The following WIPF2 variants were observed in gnomAD, a reference collection of about 807,000 sequenced individuals.
WIPF2 encodes the protein WAS/WASL interacting protein family member 2, also known as WAS/WASL-interacting protein family member 2.
WIPF2 carries 23 observed loss-of-function variants against 38.8 expected under a neutral mutation model. The ratio of observed to expected loss-of-function variants is 0.59; its 90% confidence interval spans 0.43 to 0.84. WIPF2 has a LOEUF of 0.84. Ranked by LOEUF, WIPF2 falls within the 40% of genes least tolerant of loss-of-function variation. The pLI is 0.00. For synonymous variants in WIPF2, 210 were observed against 223.2 expected (o/e 0.94, Z 0.53); for missense variants, 574 against 580.5 (o/e 0.99, Z 0.11).
chr17:40,221,156 A>G (rs1197040487), intron 1 of WIPF2, among the ~76,000 whole-genome samples: 1 of 151,992 alleles, frequency 6.6e-6, no homozygotes, highest in Non-Finnish European at 1.5e-5. Flanking sequence ...GTCCTTTTTC[A>G]TGCTGTTATT....
Position 40,265,036 on chromosome 17 carries a change from C to T in WIPF2, c.860C>T (p.Thr287Ile), listed in dbSNP as rs1172993647. ...AGACACAATTCTTTGCATAGGAAGACACCAGGGCCTGTCAGAGGCCTAGCA... is the reference window on the plus strand; with the variant it reads ...AGACACAATTCTTTGCATAGGAAGATACCAGGGCCTGTCAGAGGCCTAGCA... ...PQRHNSLHRK[T>I]PGPVRGLAPP... The change falls in exon 5 of 8, where the codon ACA becomes ATA. Residue 287 changes from threonine to isoleucine, a missense_variant. By Grantham distance (89) the Thr-to-Ile change is moderately conservative. Transcript: ENST00000323571. 1 of 1,614,162 alleles carries T rather than the reference C, an allele frequency of 6.2e-7. No homozygotes were observed. The highest frequency in any genetic ancestry group is 8.5e-7 in the Non-Finnish European group (1 of 1,180,040).
At chr17:40,249,531 C>A (rs905318213) in intron 1 of WIPF2, among the ~76,000 whole-genome samples, 2 of 151,254 alleles carry the variant, frequency 1.3e-5, no homozygotes, top group African/African-American at 4.9e-5. Context: ...CTCACTGCAA[C>A]CTCTGTCTGC....
chr17:40,262,265 G>A (rs1469470041), intron 3 of WIPF2, among the ~76,000 whole-genome samples: 1 of 151,588 alleles, frequency 6.6e-6, no homozygotes, highest in Non-Finnish European at 1.5e-5. Context: ...GAAATTTTTT[G>A]TAGAGTCAGG....
chr17:40,247,888 T>C (rs1003748996), intron 1 of WIPF2, among the ~76,000 whole-genome samples: 9 of 152,196 alleles, frequency 5.9e-5, no homozygotes, highest in African/African-American at 2.2e-4. Flanking sequence ...TAAATACTTA[T>C]CAGAATGGGT....
intron 1 of WIPF2, among the ~76,000 whole-genome samples, chr17:40,228,278 G>C (rs746947801): frequency 9.9e-5 from 15 of 151,852 alleles, no homozygotes; most frequent in Non-Finnish European, 1.9e-4. Flanking sequence ...GCCTCCCAAA[G>C]TGCTGGGATT....
At chr17:40,260,502 T>C in intron 2 of WIPF2, 33 bp from the exon 3 acceptor site, 1 of 1,611,590 alleles carries the variant, frequency 6.2e-7, no homozygotes, top group Non-Finnish European at 8.5e-7. Flanking sequence ...AGGGAACTCT[T>C]TAGGGTGAAC....
At position 40,283,817 on chromosome 17, in the gene WIPF2, G is replaced by T. The variant is rs2032604199; in HGVS notation, c.*5592G>T. On this transcript the variant is annotated 3_prime_UTR_variant, in exon 8 of 8. Coordinates refer to ENST00000323571, the MANE Select transcript of WIPF2 (RefSeq NM_133264.5). ...TGGTTTTCTTGAACTTTGACTTTAG[G>T]TGTAAAAATTCAACCAGACATTCTC... is the stretch of plus-strand genomic sequence containing the variant. 1 of 152,064 alleles carries T rather than the reference G, an allele frequency of 6.6e-6. No individual in the cohort carries two copies. The highest frequency in any genetic ancestry group is 6.5e-5 in the Admixed American group (1 of 15,276). The allele number at this position is 152,064 out of a possible 1,614,324, so 9.4% of individuals were successfully genotyped here.
intron 1 of WIPF2, among the ~76,000 whole-genome samples, chr17:40,228,216 C>T (rs976025037): frequency 1.3e-5 from 2 of 150,776 alleles, no homozygotes; most frequent in African/African-American, 2.4e-5. Context: ...GGGGTTTCAC[C>T]GTTTTAGCCG....
intron 1 of WIPF2, among the ~76,000 whole-genome samples, chr17:40,225,431 T>C (rs2030439278): frequency 6.6e-6 from 1 of 152,122 alleles, no homozygotes; most frequent in Non-Finnish European, 1.5e-5. Context: ...TAACTCTCTT[T>C]AAGATTTTGG....
intron 2 of WIPF2, 114 bp downstream of exon 2, chr17:40,256,636 A>T: frequency 7.4e-7 from 1 of 1,354,510 alleles, no homozygotes; most frequent in Non-Finnish European, 9.8e-7. Flanking sequence ...AGATTTTCCT[A>T]CTAGTAGCAT....
At chr17:40,235,950 T>C (rs1292906077) in intron 1 of WIPF2, among the ~76,000 whole-genome samples, 1 of 151,562 alleles carries the variant, frequency 6.6e-6, no homozygotes, top group Non-Finnish European at 1.5e-5. Flanking sequence ...GCAGTTTGAC[T>C]GGATTAAAAA....
chr17:40,236,714 A>G (rs979908653), intron 1 of WIPF2, among the ~76,000 whole-genome samples: 30 of 150,442 alleles, frequency 2.0e-4, no homozygotes, highest in African/African-American at 6.9e-4. Context: ...GGTTCAAGCA[A>G]TTCCCTGCCT....
intron 3 of WIPF2, among the ~76,000 whole-genome samples, chr17:40,261,975 T>G (rs1242602730): frequency 6.6e-6 from 1 of 151,956 alleles, no homozygotes. Flanking sequence ...CCACCACGCC[T>G]GGCTTCACTC....
intron 5 of WIPF2, among the ~76,000 whole-genome samples, chr17:40,271,317 C>G (rs900977219): frequency 3.9e-5 from 6 of 152,142 alleles, no homozygotes; most frequent in African/African-American, 1.2e-4. Context: ...GTCTGTTAAG[C>G]TGAGTAGTCT....
intron 6 of WIPF2, among the ~76,000 whole-genome samples, chr17:40,274,724 T>C (rs1296491204): frequency 6.6e-6 from 1 of 151,162 alleles, no homozygotes; most frequent in East Asian, 1.9e-4. Flanking sequence ...GGAGGATTGC[T>C]TTTAGCCCAG....
chr17:40,241,868 A>G (rs1212036069), intron 1 of WIPF2, among the ~76,000 whole-genome samples: 1 of 152,164 alleles, frequency 6.6e-6, no homozygotes, highest in Non-Finnish European at 1.5e-5. Context: ...CCAGTCTGTA[A>G]AGTATCTGGA....
intron 1 of WIPF2, among the ~76,000 whole-genome samples, chr17:40,255,593 G>C (rs2031697651): frequency 6.6e-6 from 1 of 151,448 alleles, no homozygotes; most frequent in Admixed American, 6.6e-5. Context: ...CCAAAGTGCT[G>C]GGATTACAGG....
chr17:40,231,891 T>A (rs1416488045), intron 1 of WIPF2, among the ~76,000 whole-genome samples: 3 of 151,680 alleles, frequency 2.0e-5, no homozygotes, highest in Admixed American at 2.0e-4. Flanking sequence ...TAAATCTAAT[T>A]AACAGTTTCT....
At chr17:40,234,782 A>G (rs189921414) in intron 1 of WIPF2, among the ~76,000 whole-genome samples, 19 of 152,294 alleles carry the variant, frequency 1.2e-4, no homozygotes, top group Non-Finnish European at 2.4e-4. Context: ...TAAGCACCAA[A>G]ACAGGCAGTT....
Sources: allele counts gnomAD v4.1 joint callset (sites outside exome capture counted in the v4.1 genomes callset), GRCh38; gene constraint gnomAD v4.1.1; transcripts MANE v1.5; gene names NCBI Gene and HGNC (gene_info 2026-07-23, HGNC 2026-07-21).